DPP6: variants seen among roughly 807,000 people sequenced by gnomAD.
DPP6 encodes A-type potassium channel modulatory protein DPP6.
DPP6 carries 69 observed loss-of-function variants against 122.6 expected under a neutral mutation model. The observed-to-expected ratio is 0.56, with a 90% confidence interval of 0.46 to 0.69. The LOEUF is 0.69. DPP6 is among the 30% of genes least tolerant of loss of function. The pLI, the probability that DPP6 is intolerant of heterozygous loss-of-function variation, is 0.00. For missense variants in DPP6, 928 were observed against 1,116.9 expected (o/e 0.83, Z 2.41); for synonymous variants, 418 against 433.1 (o/e 0.97, Z 0.43).
chr7:154,013,458 CTTTT>C (rs776460630), intron 1 of DPP6, among the ~76,000 whole-genome samples: 2 of 127,364 alleles, frequency 1.6e-5, no homozygotes, highest in South Asian at 2.5e-4. Flanking sequence ...GGTTTCTTTT[CTTTT>C]TTTTTTTTTT....
chr7:154,553,744 C>T (rs922000509), intron 4 of DPP6, among the ~76,000 whole-genome samples: 4 of 152,016 alleles, frequency 2.6e-5, no homozygotes, highest in African/African-American at 9.7e-5. Flanking sequence ...GGGCTGAGGC[C>T]GCCATTCCAT....
chr7:154,449,013 A>G (rs1006302100), intron 2 of DPP6, among the ~76,000 whole-genome samples: 1 of 152,222 alleles, frequency 6.6e-6, no homozygotes, highest in Non-Finnish European at 1.5e-5. Flanking sequence ...GAATTAGGCA[A>G]TGGTTTCTTA....
At chr7:154,254,691 G>C (rs995978890) in intron 1 of DPP6, among the ~76,000 whole-genome samples, 2 of 152,132 alleles carry the variant, frequency 1.3e-5, no homozygotes, top group African/African-American at 4.8e-5. Context: ...TGGATTACTA[G>C]AAGACTTAAG....
intron 1 of DPP6, among the ~76,000 whole-genome samples, chr7:153,996,483 A>G (rs1019095310): frequency 1.3e-5 from 2 of 151,604 alleles, no homozygotes; most frequent in African/African-American, 2.4e-5. Context: ...TGGCACTTCC[A>G]TGTCTGTCCA....
At chr7:154,264,396 A>G (rs1247353025) in intron 1 of DPP6, among the ~76,000 whole-genome samples, 1 of 152,222 alleles carries the variant, frequency 6.6e-6, no homozygotes, top group Non-Finnish European at 1.5e-5. Flanking sequence ...CAATGGCTCC[A>G]GTCACAAAGG....
the DPP6 span, among the ~76,000 whole-genome samples, chr7:153,823,046 G>A: frequency 6.6e-6 from 1 of 151,894 alleles, no homozygotes; most frequent in Non-Finnish European, 1.5e-5. Context: ...TGAGGGCCTC[G>A]TGCATTGCTG....
At chr7:153,989,214 T>G (rs1797014343) in intron 1 of DPP6, among the ~76,000 whole-genome samples, 2 of 116,720 alleles carry the variant, frequency 1.7e-5, no homozygotes, top group Admixed American at 1.1e-4. Context: ...GGTGTGAAAA[T>G]GGGAGAAAGT....
At chr7:153,864,174 A>C in the DPP6 span, among the ~76,000 whole-genome samples, 28 of 152,270 alleles carry the variant, frequency 1.8e-4, 1 homozygote, top group South Asian at 4.3e-3. Flanking sequence ...GTTTCACAAC[A>C]ACTTCACCAT....
At chr7:153,810,960 C>T in the DPP6 span, among the ~76,000 whole-genome samples, 1 of 152,042 alleles carries the variant, frequency 6.6e-6, no homozygotes. Context: ...ATAGTTTAAA[C>T]ACATGGCCAG....
At chr7:153,761,952 G>A in the DPP6 span, among the ~76,000 whole-genome samples, 8 of 152,302 alleles carry the variant, frequency 5.3e-5, no homozygotes, top group Admixed American at 2.0e-4. Context: ...CATTTTGGTT[G>A]GTCAGGGGAA....
chr7:154,830,001 C>G (rs570627950), intron 16 of DPP6, among the ~76,000 whole-genome samples: 22 of 152,200 alleles, frequency 1.4e-4, no homozygotes, highest in Non-Finnish European at 2.9e-4. Flanking sequence ...CTGCCGTTCT[C>G]ACCACCCGAT....
chr7:154,216,871 T>C (rs533977336), intron 1 of DPP6, among the ~76,000 whole-genome samples: 1 of 149,066 alleles, frequency 6.7e-6, no homozygotes, highest in South Asian at 2.1e-4. Flanking sequence ...ACCTCATATA[T>C]ATGTTAAAGC....
At chr7:154,290,668 C>G (rs959310851) in intron 1 of DPP6, among the ~76,000 whole-genome samples, 4 of 151,998 alleles carry the variant, frequency 2.6e-5, no homozygotes, top group Non-Finnish European at 5.9e-5. Flanking sequence ...AAAAAATTCC[C>G]TCTTGCTCAT....
intron 3 of DPP6, among the ~76,000 whole-genome samples, chr7:154,540,165 AC>A (rs1486636631): frequency 4.6e-5 from 7 of 152,230 alleles, no homozygotes; most frequent in Admixed American, 2.6e-4. Flanking sequence ...CATTCTGCAT[AC>A]AGATTTACTC....
chr7:154,543,231 A>G (rs752353133), intron 4 of DPP6, among the ~76,000 whole-genome samples: 6 of 152,196 alleles, frequency 3.9e-5, no homozygotes, highest in Admixed American at 1.3e-4. Flanking sequence ...GGGCTATAAA[A>G]CAGCCTTAAA....
chr7:154,801,536 C>T, intron 13 of DPP6, 74 bp downstream of exon 13: 1 of 1,469,980 alleles, frequency 6.8e-7, no homozygotes, highest in Admixed American at 2.6e-5. Flanking sequence ...GCCTCTAGGG[C>T]TGGGCACACT....
At chr7:154,728,396 CA>C (rs1426528658) in intron 8 of DPP6, among the ~76,000 whole-genome samples, 2 of 152,190 alleles carry the variant, frequency 1.3e-5, no homozygotes, top group Admixed American at 1.3e-4. Flanking sequence ...CATTTTCTAC[CA>C]CTGGTTTGCC....
chr7:154,258,965 G>A (rs553215050), intron 1 of DPP6, among the ~76,000 whole-genome samples: 25 of 151,306 alleles, frequency 1.7e-4, no homozygotes, highest in African/African-American at 5.8e-4. Flanking sequence ...GAGTTCACTC[G>A]GAGGAGTAAG....
intron 7 of DPP6, among the ~76,000 whole-genome samples, chr7:154,691,354 AACTCCAAGCAGG>A: frequency 6.6e-6 from 1 of 152,290 alleles, no homozygotes; most frequent in Non-Finnish European, 1.5e-5. Context: ...TCAGGCCCAG[AACTCCAAGCAGG>A]ACTGGGCAGA....
Sources: allele counts gnomAD v4.1 joint callset (sites outside exome capture counted in the v4.1 genomes callset), GRCh38; gene constraint gnomAD v4.1.1; transcripts MANE v1.5; gene names NCBI Gene and HGNC (gene_info 2026-07-23, HGNC 2026-07-21).